Variants in ANXA13 observed in about 807,000 individuals in gnomAD.
The protein encoded by ANXA13 is annexin XIII.
A neutral mutation model predicts 46.6 loss-of-function variants in ANXA13; 36 were observed. The observed-to-expected ratio is 0.77, with a 90% CI of 0.59 to 1.02. The LOEUF (loss-of-function observed/expected upper bound fraction) is 1.02, where lower values mean the gene tolerates loss of function less well. Among genes scored for constraint, ANXA13 ranks in the 50% least tolerant of loss-of-function variants. The pLI is 0.00. For missense variants in ANXA13, 417 were observed against 396.5 expected (o/e 1.05, Z -0.44); for synonymous variants, 163 against 152.9 (o/e 1.07, Z -0.49).
Position 123,697,388 on chromosome 8 carries a change from C to T in ANXA13, c.357+1001G>A, listed in dbSNP as rs139877035. Among the ~76,000 whole-genome samples, 136 of 152,232 alleles carry T rather than the reference C, an allele frequency of 8.9e-4. 1 individual carries two copies. The East Asian group carries it at 0.022, about 25-fold the overall frequency. On this transcript the variant is annotated intron_variant, in intron 4 of 10. Coordinates refer to ENST00000419625, the MANE Select transcript of ANXA13 (RefSeq NM_004306.4). Reference sequence around the variant, plus strand: ...CGGGGGGCCTGTGCTAACCCTCCTCCGAAGCATCATCCCAACCTGAGACTC... The same window carrying T: ...CGGGGGGCCTGTGCTAACCCTCCTCTGAAGCATCATCCCAACCTGAGACTC...
chr8:123,691,006 T>C (rs1813231543), intron 8 of ANXA13, among the ~76,000 whole-genome samples: 1 of 152,226 alleles, frequency 6.6e-6, no homozygotes, highest in Admixed American at 6.5e-5. Flanking sequence ...TTTATAGCTA[T>C]ATAAGTCTTT....
intron 1 of ANXA13, among the ~76,000 whole-genome samples, chr8:123,723,100 A>G (rs1813916624): frequency 6.6e-6 from 1 of 152,168 alleles, no homozygotes. Flanking sequence ...TTTATAGGTA[A>G]AATATCACTT....
intron 6 of ANXA13, among the ~76,000 whole-genome samples, chr8:123,694,372 T>C (rs909239072): frequency 2.0e-5 from 3 of 152,188 alleles, no homozygotes; most frequent in African/African-American, 7.2e-5. Flanking sequence ...GAGATTATCC[T>C]TGGCCGGCCT....
intron 2 of ANXA13, among the ~76,000 whole-genome samples, chr8:123,710,430 C>A (rs143044659): frequency 6.6e-6 from 1 of 152,248 alleles, no homozygotes; most frequent in African/African-American, 2.4e-5. Flanking sequence ...TGGAGATGGT[C>A]GCAAAATCCT....
chr8:123,682,076 G>T (rs538421600), intron 10 of ANXA13, among the ~76,000 whole-genome samples: 1 of 152,158 alleles, frequency 6.6e-6, no homozygotes, highest in Non-Finnish European at 1.5e-5. Context: ...GGCTGTAGTT[G>T]GTTGACCCCT....
chr8:123,709,311 C>T (rs1813608425), intron 2 of ANXA13, among the ~76,000 whole-genome samples: 1 of 151,656 alleles, frequency 6.6e-6, no homozygotes, highest in Non-Finnish European at 1.5e-5. Flanking sequence ...CATTCACTCT[C>T]CCTCCCTCCC....
intron 9 of ANXA13, among the ~76,000 whole-genome samples, chr8:123,685,671 G>T (rs1054286188): frequency 6.6e-6 from 1 of 152,198 alleles, no homozygotes; most frequent in Non-Finnish European, 1.5e-5. Flanking sequence ...TTATAAGCAG[G>T]GGAGAGGAGC....
At chr8:123,695,141 T>G (rs1261521046) in intron 6 of ANXA13, among the ~76,000 whole-genome samples, 1 of 152,054 alleles carries the variant, frequency 6.6e-6, no homozygotes, top group Non-Finnish European at 1.5e-5. Context: ...GGTCAGATAG[T>G]CTGGTTCTTG....
intron 2 of ANXA13, 78 bp downstream of exon 2, chr8:123,712,600 A>G (rs1353573336): frequency 7.4e-6 from 9 of 1,217,380 alleles, no homozygotes; most frequent in Non-Finnish European, 1.1e-5. Flanking sequence ...TCAGCTTCCT[A>G]ACATCATGGG....
chr8:123,703,500 A>C (rs1813485205), intron 2 of ANXA13, among the ~76,000 whole-genome samples: 1 of 152,232 alleles, frequency 6.6e-6, no homozygotes, highest in African/African-American at 2.4e-5. Flanking sequence ...TATATGGTGC[A>C]TGAATTATAT....
At chr8:123,703,821 G>C (rs1813492183) in intron 2 of ANXA13, among the ~76,000 whole-genome samples, 2 of 152,112 alleles carry the variant, frequency 1.3e-5, no homozygotes, top group African/African-American at 4.8e-5. Flanking sequence ...AAGAAAGAAG[G>C]GGAGAATGTC....
chr8:123,702,862 A>G (rs1813470174), intron 2 of ANXA13, 126 bp from the exon 3 acceptor site: 1 of 774,712 alleles, frequency 1.3e-6, no homozygotes, highest in Non-Finnish European at 2.2e-6. Flanking sequence ...ATGGAACCCA[A>G]CGGACCCTTA....
intron 1 of ANXA13, among the ~76,000 whole-genome samples, chr8:123,733,246 A>C (rs1395775780): frequency 6.6e-6 from 1 of 151,734 alleles, no homozygotes; most frequent in African/African-American, 2.4e-5. Flanking sequence ...TATTTATTTA[A>C]GTCTTTTGAA....
intron 1 of ANXA13, among the ~76,000 whole-genome samples, chr8:123,719,699 G>C (rs185646733): frequency 1.3e-5 from 2 of 152,306 alleles, no homozygotes; most frequent in East Asian, 3.9e-4. Context: ...GTGTACTTGC[G>C]TGCTTACTAT....
At chr8:123,711,358 A>ATGTCACCC (rs1359804686) in intron 2 of ANXA13, among the ~76,000 whole-genome samples, 2 of 152,060 alleles carry the variant, frequency 1.3e-5, no homozygotes, top group Non-Finnish European at 2.9e-5. Context: ...TGTGCTTTGG[A>ATGTCACCC]TGTCACCCTC....
chr8:123,731,926 G>A (rs569464731), intron 1 of ANXA13, among the ~76,000 whole-genome samples: 1 of 152,162 alleles, frequency 6.6e-6, no homozygotes, highest in Admixed American at 6.5e-5. Context: ...CCACATGGGA[G>A]TGGAGTAATA....
At chr8:123,726,178 A>G (rs1429504145) in intron 1 of ANXA13, among the ~76,000 whole-genome samples, 1 of 152,218 alleles carries the variant, frequency 6.6e-6, no homozygotes, top group African/African-American at 2.4e-5. Context: ...TGACCTTTCT[A>G]TTACATTTGG....
At chr8:123,703,000 C>T (rs933973463) in intron 2 of ANXA13, among the ~76,000 whole-genome samples, 1 of 152,238 alleles carries the variant, frequency 6.6e-6, no homozygotes, top group Non-Finnish European at 1.5e-5. Flanking sequence ...ATGGCTGGTT[C>T]CTTAATTTTA....
At chr8:123,693,337 G>T in intron 7 of ANXA13, 39 bp from the exon 8 acceptor site, 1 of 1,574,734 alleles carries the variant, frequency 6.4e-7, no homozygotes, top group Non-Finnish European at 8.7e-7. Flanking sequence ...AAAGGCTTTT[G>T]TGAAAAGACT....
Sources: allele counts gnomAD v4.1 joint callset (sites outside exome capture counted in the v4.1 genomes callset), GRCh38; gene constraint gnomAD v4.1.1; transcripts MANE v1.5; gene names NCBI Gene and HGNC (gene_info 2026-07-23, HGNC 2026-07-21).